PDE12: variants seen among roughly 807,000 people sequenced by gnomAD.
PDE12 encodes the protein 2',5'-phosphodiesterase 12.
PDE12 carries 26 observed loss-of-function variants against 45.4 expected under a neutral mutation model. The ratio of observed to expected loss-of-function variants is 0.57; its 90% confidence interval spans 0.42 to 0.79. The LOEUF (loss-of-function observed/expected upper bound fraction) is 0.79, where lower values mean the gene tolerates loss of function less well. Ranked by LOEUF, PDE12 falls within the 30% of genes least tolerant of loss-of-function variation. The pLI is 0.00. For missense variants in PDE12, 668 were observed against 790.0 expected (o/e 0.85, Z 1.85); for synonymous variants, 283 against 323.9 (o/e 0.87, Z 1.36).
the PDE12 span, among the ~76,000 whole-genome samples, chr3:57,615,660 T>C: frequency 6.6e-6 from 1 of 151,962 alleles, no homozygotes; most frequent in East Asian, 1.9e-4. Context: ...AAAGGTTAGC[T>C]GGGCATGGTG....
At chr3:57,575,651 T>C in the PDE12 span, 1 of 1,611,010 alleles carries the variant, frequency 6.2e-7, no homozygotes. Flanking sequence ...CAGCACTGCA[T>C]CTCTCAATTC....
chr3:57,635,349 G>A, the PDE12 span, among the ~76,000 whole-genome samples: 1 of 152,142 alleles, frequency 6.6e-6, no homozygotes. Flanking sequence ...TGAGCAGGCT[G>A]CTATGTTGAA....
At chr3:57,595,667 G>A in the PDE12 span, among the ~76,000 whole-genome samples, 1 of 152,034 alleles carries the variant, frequency 6.6e-6, no homozygotes, top group Non-Finnish European at 1.5e-5. Flanking sequence ...TAAAACCTCC[G>A]GCCGGGCGCG....
the PDE12 span, chr3:57,634,856 AT>A: frequency 2.8e-6 from 3 of 1,078,802 alleles, no homozygotes; most frequent in Non-Finnish European, 3.9e-6. Context: ...TAATCTGTTT[AT>A]TACTTAAGTA....
the PDE12 span, chr3:57,577,227 C>A: frequency 1.9e-6 from 2 of 1,069,224 alleles, no homozygotes. Context: ...TTTGTGTAAT[C>A]TAATCATAGT....
chr3:57,649,411 G>A, the PDE12 span, among the ~76,000 whole-genome samples: 1 of 151,790 alleles, frequency 6.6e-6, no homozygotes, highest in African/African-American at 2.4e-5. Flanking sequence ...TGGTAGAAAT[G>A]TAAACTAGTA....
the PDE12 span, among the ~76,000 whole-genome samples, chr3:57,596,302 T>C: frequency 6.6e-6 from 1 of 152,236 alleles, no homozygotes; most frequent in South Asian, 2.1e-4. Flanking sequence ...AGGTATTTTT[T>C]AAAAATTCGT....
the PDE12 span, chr3:57,645,885 C>T: frequency 1.5e-6 from 1 of 652,580 alleles, no homozygotes; most frequent in Admixed American, 3.1e-5. Flanking sequence ...AAATGGTAAA[C>T]TCATTTCACA....
chr3:57,646,643 A>T, the PDE12 span, among the ~76,000 whole-genome samples: 1 of 152,202 alleles, frequency 6.6e-6, no homozygotes, highest in Admixed American at 6.5e-5. Flanking sequence ...TATCAATTTG[A>T]CTCATCCTAA....
the PDE12 span, chr3:57,654,636 C>T: frequency 2.0e-6 from 2 of 984,918 alleles, no homozygotes; most frequent in African/African-American, 3.5e-5. Context: ...AACTGCCCTT[C>T]AATTCTAATC....
chr3:57,653,639 G>A, the PDE12 span, among the ~76,000 whole-genome samples: 13 of 151,658 alleles, frequency 8.6e-5, no homozygotes, highest in South Asian at 6.3e-4. Flanking sequence ...CCAGCTACTC[G>A]GGAGGCTGAG....
the PDE12 span, among the ~76,000 whole-genome samples, chr3:57,649,327 T>C: frequency 6.6e-6 from 1 of 152,122 alleles, no homozygotes; most frequent in Non-Finnish European, 1.5e-5. Context: ...CCTGCAAGAA[T>C]AGCCATAATC....
the PDE12 span, chr3:57,654,849 T>A: frequency 6.7e-6 from 6 of 895,728 alleles, no homozygotes; most frequent in Non-Finnish European, 8.0e-6. Context: ...ACCTTCAATA[T>A]AACTGGATAA....
At chr3:57,630,111 CT>C in the PDE12 span, among the ~76,000 whole-genome samples, 1 of 152,166 alleles carries the variant, frequency 6.6e-6, no homozygotes, top group African/African-American at 2.4e-5. Flanking sequence ...TGCAAGTGGA[CT>C]CCAGCACACT....
chr3:57,556,814 C>G lies in PDE12; in HGVS notation c.435C>G (p.Gly145=). 6.2e-7 allele frequency: 1 copy of G among 1,613,078 alleles called. No individual in the cohort carries two copies. Among genetic ancestry groups the G allele is most frequent in the East Asian group, 2.2e-5 (1 of 44,856 alleles). The change falls in exon 1 of 3, where the codon GGC becomes GGG. Residue 145 remains glycine (G), a synonymous_variant. Transcript: ENST00000311180. This position sits in a 1 kb window ranked among gnomAD's most constrained non-coding sequence, Gnocchi z 5.0. ...DVLNVDAWQD[G]AVLQIGDVKY... ...TCAACGTGGATGCCTGGCAAGACGGCGCGGTGCTGCAGATCGGCGATGTTA... is the reference window on the plus strand; with the variant it reads ...TCAACGTGGATGCCTGGCAAGACGGGGCGGTGCTGCAGATCGGCGATGTTA...
rs2069682513 is a variant in PDE12 at position 57,557,703 on chromosome 3, C to T, written c.1308+16C>T. 2 of 1,606,876 alleles carry T rather than the reference C, an allele frequency of 1.2e-6. No homozygotes were observed. Among genetic ancestry groups the T allele is most frequent in the Non-Finnish European group, 1.7e-6 (2 of 1,174,786 alleles). On this transcript the variant is annotated intron_variant, in intron 1 of 2. Coordinates refer to ENST00000311180, the MANE Select transcript of PDE12 (RefSeq NM_177966.7). Reference sequence around the variant, plus strand: ...TGTTCTTCAGGTAAAGTAGTTCCGCCCGTCTCTTCACATACTGTCCCACTT... The same window carrying T: ...TGTTCTTCAGGTAAAGTAGTTCCGCTCGTCTCTTCACATACTGTCCCACTT...
chr3:57,641,835 T>A, the PDE12 span: 2 of 1,067,340 alleles, frequency 1.9e-6, no homozygotes, highest in East Asian at 2.5e-5. Flanking sequence ...TTTTTTTCAA[T>A]GAACAATACA....
chr3:57,631,270 C>T, the PDE12 span: 1 of 264,688 alleles, frequency 3.8e-6, no homozygotes, highest in Admixed American at 5.2e-5. Flanking sequence ...GATCTCGGCT[C>T]ACTACAACCT....
Position 57,560,335 on chromosome 3 carries a change from GTTT to G in PDE12, c.*336_*338del. ...TTTGTTTGTTTTTGTTTTTGTTTTT[GTTT>G]TTTTGAGATGGAGTTTCACTCTTGT... is the stretch of plus-strand genomic sequence containing the variant. On this transcript the variant is annotated 3_prime_UTR_variant, in exon 3 of 3. Transcript: ENST00000311180. The G allele has an allele frequency of 9.5e-7, 1 of 1,052,134 alleles. No homozygotes were observed. The highest frequency in any genetic ancestry group is 3.1e-5 in the South Asian group (1 of 32,196). 65.2% of individuals were successfully genotyped at this position (1,052,134 alleles called of 1,614,324 possible).
Sources: allele counts gnomAD v4.1 joint callset (sites outside exome capture counted in the v4.1 genomes callset), GRCh38; gene constraint gnomAD v4.1.1; non-coding constraint Gnocchi (gnomAD v3.1); transcripts MANE v1.5; gene names NCBI Gene and HGNC (gene_info 2026-07-23, HGNC 2026-07-21).